The following NDFIP1 variants were observed in gnomAD, a reference collection of about 807,000 sequenced individuals.
NDFIP1 encodes the protein NEDD4 family-interacting protein 1.
A neutral mutation model predicts 28.8 loss-of-function variants in NDFIP1; 7 were observed. The ratio of observed to expected loss-of-function variants is 0.24; its 90% CI spans 0.14 to 0.46. NDFIP1 has a LOEUF of 0.46. Among genes scored for constraint, NDFIP1 ranks in the 20% least tolerant of loss-of-function variants. NDFIP1 has a pLI of 0.99. For synonymous variants in NDFIP1, 92 were observed against 101.0 expected (o/e 0.91, Z 0.53); for missense variants, 194 against 269.1 (o/e 0.72, Z 1.95).
rs527668753 is a variant in NDFIP1 at position 142,115,145 on chromosome 5, G to A, written c.63+6108G>A. 1.3e-4 allele frequency among the ~76,000 whole-genome samples: 19 copies of A among 151,998 alleles called. No individual in the cohort carries two copies. In the East Asian group the frequency reaches 3.5e-3, roughly 28 times the overall value. On this transcript the variant is annotated intron_variant, in intron 1 of 7. Coordinates refer to ENST00000253814, the MANE Select transcript of NDFIP1 (RefSeq NM_030571.4). ...ATAACTTCATATTTTTATTAAGAAAGAAAAAAAGTCTCCAAGAGATTCAAG... is the reference window on the plus strand; with the variant it reads ...ATAACTTCATATTTTTATTAAGAAAAAAAAAAAGTCTCCAAGAGATTCAAG...
intron 4 of NDFIP1, among the ~76,000 whole-genome samples, chr5:142,136,617 T>A (rs1163148875): frequency 6.6e-6 from 1 of 151,490 alleles, no homozygotes; most frequent in Non-Finnish European, 1.5e-5. Flanking sequence ...TAGCTGGGTG[T>A]GGTGGCAGGC....
chr5:142,123,061 G>C (rs1561599443), intron 1 of NDFIP1, among the ~76,000 whole-genome samples: 1 of 151,708 alleles, frequency 6.6e-6, no homozygotes. Flanking sequence ...CTCCCAGGTT[G>C]CAGTGATTCT....
chr5:142,122,194 C>CA (rs1757128535), intron 1 of NDFIP1, among the ~76,000 whole-genome samples: 1 of 152,212 alleles, frequency 6.6e-6, no homozygotes, highest in African/African-American at 2.4e-5. Flanking sequence ...CCTTTCCAGT[C>CA]ACTCTCCTCC....
At chr5:142,133,246 C>T (rs1052375419) in intron 3 of NDFIP1, among the ~76,000 whole-genome samples, 3 of 152,088 alleles carry the variant, frequency 2.0e-5, no homozygotes, top group African/African-American at 4.8e-5. Context: ...TCCTAAATGG[C>T]GATGATGTGC....
At chr5:142,114,359 T>A (rs1477158000) in intron 1 of NDFIP1, among the ~76,000 whole-genome samples, 2 of 152,176 alleles carry the variant, frequency 1.3e-5, no homozygotes, top group Non-Finnish European at 2.9e-5. Context: ...CCATTGATAT[T>A]TTCTTTAGAG....
intron 1 of NDFIP1, among the ~76,000 whole-genome samples, chr5:142,119,301 T>C (rs982926920): frequency 1.3e-5 from 2 of 152,218 alleles, no homozygotes; most frequent in Non-Finnish European, 2.9e-5. Flanking sequence ...GTGTAAGTTG[T>C]ATCAGAATTA....
At chr5:142,148,546 T>A in intron 7 of NDFIP1, among the ~76,000 whole-genome samples, 1 of 151,542 alleles carries the variant, frequency 6.6e-6, no homozygotes, top group African/African-American at 2.4e-5. Flanking sequence ...AGGTTAGAAG[T>A]TTGAGACCAG....
At chr5:142,129,911 C>CAAAAA (rs749420090) in intron 1 of NDFIP1, among the ~76,000 whole-genome samples, 2 of 62,634 alleles carry the variant, frequency 3.2e-5, no homozygotes, top group African/African-American at 1.0e-4. Flanking sequence ...AACTACATCT[C>CAAAAA]AAAAAAAAAA....
chr5:142,115,579 C>G (rs1757058991), intron 1 of NDFIP1, among the ~76,000 whole-genome samples: 1 of 152,126 alleles, frequency 6.6e-6, no homozygotes, highest in Non-Finnish European at 1.5e-5. Flanking sequence ...GCCACTGCGC[C>G]CGGCCTATAT....
chr5:142,109,057 A>T lies in NDFIP1; in HGVS notation c.63+20A>T. 1 of 1,384,496 alleles carries T rather than the reference A, an allele frequency of 7.2e-7. No individual in the cohort carries two copies. Among genetic ancestry groups the T allele is most frequent in the South Asian group, 1.6e-5 (1 of 64,260 alleles). The allele number at this position is 1,384,496 out of a possible 1,614,324, so 85.8% of individuals were successfully genotyped here. A position where few individuals can be genotyped will look rare whatever the true frequency, so the allele number is the denominator to read the frequency against. ...CAGCAGGTAAGCGGCGCCCGACTCC[A>T]GCCCCGAACTCCGGTCCCTGGCTCT... On this transcript the variant is annotated intron_variant, in intron 1 of 7. Transcript: ENST00000253814.
chr5:142,132,420 T>C (rs1757236934), intron 3 of NDFIP1, 78 bp downstream of exon 3: 1 of 1,520,584 alleles, frequency 6.6e-7, no homozygotes, highest in Non-Finnish European at 8.9e-7. Flanking sequence ...TTTGATTCGT[T>C]ACTTATGATT....
intron 1 of NDFIP1, among the ~76,000 whole-genome samples, chr5:142,126,508 A>G (rs2126915282): frequency 6.6e-6 from 1 of 152,310 alleles, no homozygotes; most frequent in South Asian, 2.1e-4. Flanking sequence ...ATACTTCAGC[A>G]TTATTTTTCA....
intron 2 of NDFIP1, 46 bp from the exon 3 acceptor site, chr5:142,132,166 C>T (rs1757234313): frequency 1.3e-6 from 2 of 1,598,216 alleles, no homozygotes; most frequent in Non-Finnish European, 1.7e-6. Flanking sequence ...CCTTTTATTT[C>T]AATTCAGCTA....
chr5:142,122,283 C>T (rs181539687), intron 1 of NDFIP1, among the ~76,000 whole-genome samples: 1 of 152,314 alleles, frequency 6.6e-6, no homozygotes, highest in African/African-American at 2.4e-5. Context: ...ACAGTAAATA[C>T]TGTTTTGAGT....
chr5:142,129,215 T>G (rs1052405841), intron 1 of NDFIP1, among the ~76,000 whole-genome samples: 1 of 152,240 alleles, frequency 6.6e-6, no homozygotes, highest in Non-Finnish European at 1.5e-5. Flanking sequence ...CTTCTTTTGG[T>G]GACCTTCCCA....
intron 1 of NDFIP1, 142 bp from the exon 2 acceptor site, chr5:142,131,661 ATACTT>A: frequency 5.4e-6 from 3 of 559,282 alleles, no homozygotes; most frequent in Non-Finnish European, 3.1e-6. Flanking sequence ...TGGGAGTAGA[ATACTT>A]TTCTTAAAGG....
intron 3 of NDFIP1, among the ~76,000 whole-genome samples, chr5:142,135,169 C>T (rs7447781): frequency 6.6e-6 from 1 of 151,390 alleles, no homozygotes; most frequent in Non-Finnish European, 1.5e-5. Context: ...TTAGTAGAGA[C>T]GGGTTTCACC....
intron 7 of NDFIP1, among the ~76,000 whole-genome samples, chr5:142,145,742 T>G (rs2126923440): frequency 6.6e-6 from 1 of 152,046 alleles, no homozygotes; most frequent in South Asian, 2.1e-4. Flanking sequence ...TTGAAACAAG[T>G]TTCTCAGATA....
intron 1 of NDFIP1, among the ~76,000 whole-genome samples, chr5:142,128,695 G>A (rs777201320): frequency 1.3e-5 from 2 of 152,146 alleles, no homozygotes; most frequent in Non-Finnish European, 2.9e-5. Flanking sequence ...GTACAGTGAG[G>A]TCTTGGGATT....
Sources: gnomAD v4.1 joint callset for allele counts (sites outside exome capture counted in the v4.1 genomes callset) on GRCh38, gnomAD v4.1.1 for gene constraint, MANE v1.5 for transcripts, NCBI Gene and HGNC (gene_info 2026-07-23, HGNC 2026-07-21) for gene names.